The following EEFSEC variants were observed in gnomAD, a reference collection of about 807,000 sequenced individuals.
The protein encoded by EEFSEC is selenocysteine-specific elongation factor.
In EEFSEC, 43 loss-of-function variants were observed where a neutral mutation model predicts 42.1. That is an observed-to-expected ratio of 1.02 (90% CI 0.80 to 1.32). EEFSEC has a LOEUF of 1.32. Ranked by LOEUF, EEFSEC falls within the 40% of genes most tolerant of loss-of-function variation. EEFSEC has a pLI of 0.00. For synonymous variants in EEFSEC, 354 were observed against 339.1 expected (o/e 1.04, Z -0.48); for missense variants, 745 against 803.6 (o/e 0.93, Z 0.88).
chr3:128,271,956 A>G (rs774108176), intron 4 of EEFSEC, among the ~76,000 whole-genome samples: 3 of 152,168 alleles, frequency 2.0e-5, no homozygotes, highest in South Asian at 4.1e-4. Flanking sequence ...TTAAAGCCTC[A>G]TAAGACCTCC....
intron 4 of EEFSEC, among the ~76,000 whole-genome samples, chr3:128,305,618 A>G (rs1299480828): frequency 6.6e-6 from 1 of 151,852 alleles, no homozygotes; most frequent in Non-Finnish European, 1.5e-5. Context: ...CTATTAAGTT[A>G]TATCTTCAAA....
At chr3:128,305,044 C>T (rs1018059372) in intron 4 of EEFSEC, among the ~76,000 whole-genome samples, 1 of 152,152 alleles carries the variant, frequency 6.6e-6, no homozygotes, top group Non-Finnish European at 1.5e-5. Flanking sequence ...AGTGTTTTAT[C>T]ATTAAGTAAG....
the EEFSEC span, among the ~76,000 whole-genome samples, chr3:128,420,660 G>A: frequency 9.8e-5 from 15 of 152,344 alleles, no homozygotes; most frequent in East Asian, 5.8e-4. Context: ...CCCAGTTCCC[G>A]AAGCAGAGTC....
At chr3:128,369,642 T>G (rs1441738473) in intron 6 of EEFSEC, among the ~76,000 whole-genome samples, 1 of 152,238 alleles carries the variant, frequency 6.6e-6, no homozygotes, top group Non-Finnish European at 1.5e-5. Context: ...AGACCTGTGT[T>G]GGAATCCTGG....
At chr3:128,241,353 G>A (rs1217410587) in intron 1 of EEFSEC, among the ~76,000 whole-genome samples, 2 of 151,844 alleles carry the variant, frequency 1.3e-5, no homozygotes, top group Non-Finnish European at 2.9e-5. Context: ...GGGATTACAG[G>A]CATGCACCAC....
the EEFSEC span, among the ~76,000 whole-genome samples, chr3:128,418,624 C>T: frequency 6.6e-6 from 1 of 151,460 alleles, no homozygotes; most frequent in African/African-American, 2.4e-5. Flanking sequence ...CCAGCACCCC[C>T]TACTCTGCTC....
intron 4 of EEFSEC, among the ~76,000 whole-genome samples, chr3:128,291,299 A>G (rs2066641662): frequency 6.6e-6 from 1 of 152,168 alleles, no homozygotes; most frequent in Non-Finnish European, 1.5e-5. Flanking sequence ...CCCTTTCAAA[A>G]CTCATGTTTA....
At chr3:128,282,154 T>G (rs1176028711) in intron 4 of EEFSEC, among the ~76,000 whole-genome samples, 1 of 152,238 alleles carries the variant, frequency 6.6e-6, no homozygotes, top group Admixed American at 6.5e-5. Context: ...TGTCTTCCCC[T>G]GCTGTGAGCA....
chr3:128,274,628 C>G (rs569994621), intron 4 of EEFSEC, among the ~76,000 whole-genome samples: 11 of 152,246 alleles, frequency 7.2e-5, no homozygotes, highest in Admixed American at 7.2e-4. Flanking sequence ...ATGAAAACCA[C>G]TCTAACTTAT....
chr3:128,375,661 C>T (rs751826311), intron 6 of EEFSEC, among the ~76,000 whole-genome samples: 48 of 152,188 alleles, frequency 3.2e-4, no homozygotes, highest in Non-Finnish European at 5.3e-4. Context: ...CCTTCTCAAA[C>T]GGAGCAGGTC....
intron 6 of EEFSEC, among the ~76,000 whole-genome samples, chr3:128,402,483 G>A (rs901787540): frequency 1.3e-5 from 2 of 152,192 alleles, no homozygotes; most frequent in African/African-American, 2.4e-5. Context: ...TCCCTTAGTG[G>A]GTAAGCAAAC....
chr3:128,321,492 C>T (rs1433890921), intron 4 of EEFSEC, among the ~76,000 whole-genome samples: 1 of 152,078 alleles, frequency 6.6e-6, no homozygotes, highest in Admixed American at 6.5e-5. Context: ...GGCTTCACTC[C>T]CCCAGGACAG....
chr3:128,209,437 G>C (rs1416353954), intron 1 of EEFSEC, among the ~76,000 whole-genome samples: 1 of 152,150 alleles, frequency 6.6e-6, no homozygotes, highest in East Asian at 1.9e-4. Flanking sequence ...TGGGGAACTT[G>C]GATGGTATGG....
At chr3:128,386,645 C>T (rs563994256) in intron 6 of EEFSEC, among the ~76,000 whole-genome samples, 2 of 152,284 alleles carry the variant, frequency 1.3e-5, no homozygotes, top group South Asian at 4.2e-4. Flanking sequence ...AAAGGCTGTA[C>T]AGGAAGTATG....
intron 1 of EEFSEC, among the ~76,000 whole-genome samples, chr3:128,223,918 T>C (rs984961560): frequency 3.9e-5 from 6 of 152,206 alleles, no homozygotes; most frequent in African/African-American, 1.4e-4. Flanking sequence ...ATTGTTTAAA[T>C]AGGTTGGCTT....
intron 4 of EEFSEC, among the ~76,000 whole-genome samples, chr3:128,331,237 G>A (rs1300432456): frequency 2.7e-5 from 1 of 36,434 alleles, no homozygotes; most frequent in East Asian, 8.0e-4. Context: ...CTTCCTCAGT[G>A]CATCTCCCCT....
chr3:128,199,602 T>G (rs1197640801), intron 1 of EEFSEC, among the ~76,000 whole-genome samples: 1 of 152,232 alleles, frequency 6.6e-6, no homozygotes, highest in African/African-American at 2.4e-5. Context: ...GAACGTAATC[T>G]CTTTGCACCT....
intron 6 of EEFSEC, among the ~76,000 whole-genome samples, chr3:128,405,337 C>A (rs970718534): frequency 1.3e-5 from 2 of 152,132 alleles, no homozygotes; most frequent in African/African-American, 4.8e-5. Context: ...AGCTGCAGGG[C>A]CAGTGCACGA....
intron 6 of EEFSEC, among the ~76,000 whole-genome samples, chr3:128,386,866 C>T (rs539974785): frequency 2.0e-5 from 3 of 152,292 alleles, no homozygotes; most frequent in Admixed American, 6.5e-5. Context: ...ATGAGGGATC[C>T]GTGCCCATGA....
Sources: allele counts gnomAD v4.1 joint callset (sites outside exome capture counted in the v4.1 genomes callset), GRCh38; gene constraint gnomAD v4.1.1; transcripts MANE v1.5; gene names NCBI Gene and HGNC (gene_info 2026-07-23, HGNC 2026-07-21).